Variants in ANO2 observed in about 807,000 individuals in gnomAD.
The protein encoded by ANO2 is anoctamin-2.
In ANO2, 101 loss-of-function variants were observed where a neutral mutation model predicts 124.2. That is an observed-to-expected ratio of 0.81 (90% CI 0.69 to 0.96). The LOEUF is 0.96. Ranked by LOEUF, ANO2 falls within the 40% of genes least tolerant of loss-of-function variation. ANO2 has a pLI of 0.00. For synonymous variants in ANO2, 486 were observed against 482.5 expected (o/e 1.01, Z -0.09); for missense variants, 1,293 against 1,274.5 (o/e 1.01, Z -0.22).
intron 3 of ANO2, among the ~76,000 whole-genome samples, chr12:5,916,154 C>T (rs1941362340): frequency 6.6e-6 from 1 of 151,944 alleles, no homozygotes. Context: ...GCACACACCG[C>T]TGGTCCCAGC....
rs940764213 is a variant in ANO2 at position 5,840,127 on chromosome 12, C to T, written c.634-7524G>A. 8.5e-5 allele frequency among the ~76,000 whole-genome samples: 13 copies of T among 152,288 alleles called. No individual in the cohort carries two copies. In the East Asian group the frequency reaches 2.5e-3, roughly 29 times the overall value. ...TGGATATCAGAGAATTATGAACAAC[C>T]TCAGAAATGGCGAGACACATGTTAG... is the stretch of plus-strand genomic sequence containing the variant. On this transcript the variant is annotated intron_variant, in intron 4 of 24. Coordinates refer to ENST00000682330, the MANE Select transcript of ANO2 (RefSeq NM_001364791.2).
chr12:5,852,698 G>C (rs1439961480), intron 4 of ANO2, among the ~76,000 whole-genome samples: 5 of 152,068 alleles, frequency 3.3e-5, no homozygotes, highest in African/African-American at 1.2e-4. Context: ...TGGTAACGAG[G>C]GGGCAGGTGA....
chr12:5,913,382 G>A (rs1941170064), intron 3 of ANO2, among the ~76,000 whole-genome samples: 1 of 152,198 alleles, frequency 6.6e-6, no homozygotes, highest in Admixed American at 6.5e-5. Context: ...TGCTTCAGAG[G>A]CCACAGAGCA....
intron 7 of ANO2, among the ~76,000 whole-genome samples, chr12:5,811,806 C>T (rs1953397738): frequency 6.6e-6 from 1 of 152,122 alleles, no homozygotes; most frequent in Non-Finnish European, 1.5e-5. Flanking sequence ...AATGCAGTAC[C>T]CAAACTCACA....
intron 1 of ANO2, among the ~76,000 whole-genome samples, chr12:5,944,232 C>A (rs1565801713): frequency 6.6e-6 from 1 of 152,164 alleles, no homozygotes; most frequent in Non-Finnish European, 1.5e-5. Context: ...GGTGGAGGGC[C>A]AAGAGGACCA....
At chr12:5,722,379 C>T (rs1054843402) in intron 14 of ANO2, among the ~76,000 whole-genome samples, 13 of 152,066 alleles carry the variant, frequency 8.5e-5, no homozygotes, top group African/African-American at 1.4e-4. Context: ...CAGTGGCGGG[C>T]GCCTGTAGTC....
At chr12:5,894,198 G>T (rs1016313920) in intron 3 of ANO2, among the ~76,000 whole-genome samples, 1 of 152,112 alleles carries the variant, frequency 6.6e-6, no homozygotes, top group Admixed American at 6.5e-5. Context: ...GTGTGAGATG[G>T]TATCTCATTG....
intron 10 of ANO2, among the ~76,000 whole-genome samples, chr12:5,768,562 C>G (rs911500041): frequency 6.6e-6 from 1 of 152,242 alleles, no homozygotes; most frequent in East Asian, 1.9e-4. Context: ...CATGGCCCTT[C>G]TCTCCAGTGA....
At chr12:5,657,070 A>G (rs4619228) in intron 14 of ANO2, among the ~76,000 whole-genome samples, 90,018 of 152,014 alleles carry the variant, frequency 0.59, 28,119 homozygotes, top group East Asian at 0.96. Flanking sequence ...GGGTTTCTGA[A>G]GGAAGTCACT....
rs544772284 is a variant in ANO2 at position 5,925,192 on chromosome 12, C to CT, written c.23-2389dup. ...ATGTTCACTCAAGGGCCACCCTACC[C>CT]TGGCAGCTACATTCAGATTTGCACC... is the stretch of plus-strand genomic sequence containing the variant. On this transcript the variant is annotated intron_variant, in intron 1 of 24. Transcript: ENST00000682330. The surrounding 1 kb of genome is among the most constrained non-coding windows in gnomAD (Gnocchi z 4.6). 1.2e-4 allele frequency among the ~76,000 whole-genome samples: 19 copies of CT among 152,316 alleles called. No individual in the cohort carries two copies. The South Asian group carries it at 3.9e-3, about 32-fold the overall frequency.
At chr12:5,724,130 C>A (rs1167597905) in intron 14 of ANO2, among the ~76,000 whole-genome samples, 1 of 152,080 alleles carries the variant, frequency 6.6e-6, no homozygotes, top group Non-Finnish European at 1.5e-5. Flanking sequence ...GGCCCTTAAC[C>A]ACCAGGCCAT....
At chr12:5,648,843 G>A (rs912942478) in intron 14 of ANO2, among the ~76,000 whole-genome samples, 1 of 152,208 alleles carries the variant, frequency 6.6e-6, no homozygotes, top group African/African-American at 2.4e-5. Flanking sequence ...GGGCTCAGCG[G>A]TGAGCGCTCC....
intron 3 of ANO2, among the ~76,000 whole-genome samples, chr12:5,857,771 GTGAT>G (rs1463893622): frequency 1.7e-5 from 2 of 117,586 alleles, no homozygotes; most frequent in African/African-American, 6.5e-5. Context: ...TAAAAGAAAT[GTGAT>G]AGATAGATAG....
chr12:5,628,891 T>C (rs963389209), intron 16 of ANO2, among the ~76,000 whole-genome samples: 4 of 152,184 alleles, frequency 2.6e-5, no homozygotes, highest in Non-Finnish European at 5.9e-5. Flanking sequence ...GTTACTGTCA[T>C]AATGTGGGGC....
At chr12:5,741,897 G>C (rs11063843) in intron 12 of ANO2, among the ~76,000 whole-genome samples, 1 of 152,084 alleles carries the variant, frequency 6.6e-6, no homozygotes, top group Non-Finnish European at 1.5e-5. Context: ...ACCTGCCATG[G>C]GATCCCTAGC....
intron 3 of ANO2, among the ~76,000 whole-genome samples, chr12:5,915,697 GC>G: frequency 6.6e-6 from 1 of 152,294 alleles, no homozygotes; most frequent in African/African-American, 2.4e-5. Context: ...CTCCTGTGAA[GC>G]CCCCATTCCA....
At chr12:5,774,430 C>T (rs1490127476) in intron 10 of ANO2, among the ~76,000 whole-genome samples, 2 of 152,192 alleles carry the variant, frequency 1.3e-5, no homozygotes, top group Non-Finnish European at 2.9e-5. Flanking sequence ...CACACCACCA[C>T]ACTCCAGCCT....
Position 5,862,878 on chromosome 12 carries a change from C to T in ANO2, c.535-8737G>A, listed in dbSNP as rs1006741964. 4.6e-5 allele frequency among the ~76,000 whole-genome samples: 7 copies of T among 152,176 alleles called. No individual in the cohort carries two copies. Among genetic ancestry groups the T allele is most frequent in the African/African-American group, 1.7e-4 (7 of 41,432 alleles). On this transcript the variant is annotated intron_variant, in intron 3 of 24. Coordinates refer to ENST00000682330, the MANE Select transcript of ANO2 (RefSeq NM_001364791.2). The surrounding 1 kb of genome is among the most constrained non-coding windows in gnomAD (Gnocchi z 4.0). ...CAATCTTGGCTCACTGCAACCTCCACCTCCCAGGTTCAAGCAATCCTCCAG... is the reference window on the plus strand; with the variant it reads ...CAATCTTGGCTCACTGCAACCTCCATCTCCCAGGTTCAAGCAATCCTCCAG...
chr12:5,693,502 T>TGTCCCCGCCCC (rs1949031093), intron 14 of ANO2, among the ~76,000 whole-genome samples: 1 of 152,150 alleles, frequency 6.6e-6, no homozygotes, highest in Admixed American at 6.6e-5. Flanking sequence ...CTCCCCACTC[T>TGTCCCCGCCCC]GTCCCCGCCC....
Sources: allele counts gnomAD v4.1 joint callset (sites outside exome capture counted in the v4.1 genomes callset), GRCh38; gene constraint gnomAD v4.1.1; non-coding constraint Gnocchi (gnomAD v3.1); transcripts MANE v1.5; gene names NCBI Gene and HGNC (gene_info 2026-07-23, HGNC 2026-07-21).